The following ZNF469 variants were observed in gnomAD, a reference collection of about 807,000 sequenced individuals.
ZNF469 encodes zinc finger protein 469.
A neutral mutation model predicts 1.0 loss-of-function variants in ZNF469; 1 was observed. The ratio of observed to expected loss-of-function variants is 1.00; its 90% CI spans 0.35 to 4.73. The LOEUF is 4.73. Among genes scored for constraint, ZNF469 ranks in the 30% most tolerant of loss-of-function variants. The probability of loss-of-function intolerance (pLI) is 0.16; values close to 1 mark genes in which losing one functional copy is unlikely to be tolerated. For synonymous variants in ZNF469, 2,703 were observed against 2,363.4 expected (o/e 1.14, Z -4.17); for missense variants, 6,100 against 5,356.3 (o/e 1.14, Z -4.33).
chr16:88,130,566 C>T, the ZNF469 span, among the ~76,000 whole-genome samples: 1 of 151,852 alleles, frequency 6.6e-6, no homozygotes, highest in African/African-American at 2.4e-5. Context: ...ATTAGCTGGG[C>T]GTGGTGGCAG....
At chr16:88,203,377 C>T in the ZNF469 span, among the ~76,000 whole-genome samples, 16 of 152,152 alleles carry the variant, frequency 1.1e-4, no homozygotes, top group African/African-American at 3.6e-4. Context: ...CACAGGTGCC[C>T]GGGGTTGTCA....
the ZNF469 span, among the ~76,000 whole-genome samples, chr16:88,273,843 C>T: frequency 1.2e-3 from 177 of 145,318 alleles, no homozygotes; most frequent in African/African-American, 3.1e-3. Flanking sequence ...CTCGCTCTGT[C>T]GCCCAGGCTG....
At chr16:88,135,007 G>A in the ZNF469 span, among the ~76,000 whole-genome samples, 1 of 152,198 alleles carries the variant, frequency 6.6e-6, no homozygotes, top group African/African-American at 2.4e-5. Flanking sequence ...CTCCCTGCAG[G>A]CAGCTCCTGG....
At chr16:88,348,326 CCT>C in the ZNF469 span, among the ~76,000 whole-genome samples, 1 of 152,194 alleles carries the variant, frequency 6.6e-6, no homozygotes, top group Non-Finnish European at 1.5e-5. Flanking sequence ...CCTGTGCGTG[CCT>C]CTCGTTTCCC....
chr16:88,422,281 A>ATGG (rs1567506436), intron 1 of ZNF469, among the ~76,000 whole-genome samples: 2 of 121,790 alleles, frequency 1.6e-5, no homozygotes, highest in African/African-American at 6.7e-5. Context: ...ATAGGTGGGT[A>ATGG]ATGGATGGAT....
the ZNF469 span, among the ~76,000 whole-genome samples, chr16:88,150,181 A>G: frequency 1.3e-4 from 20 of 152,174 alleles, no homozygotes; most frequent in African/African-American, 4.8e-4. Context: ...GTAGTGGTAA[A>G]TGTCTGTAAT....
the ZNF469 span, among the ~76,000 whole-genome samples, chr16:88,357,597 G>A: frequency 6.6e-6 from 1 of 152,168 alleles, no homozygotes; most frequent in Non-Finnish European, 1.5e-5. Context: ...GGCCTGGGCA[G>A]GGAGGCGATG....
At chr16:88,226,445 A>G in the ZNF469 span, among the ~76,000 whole-genome samples, 10 of 152,020 alleles carry the variant, frequency 6.6e-5, no homozygotes, top group Non-Finnish European at 1.3e-4. Context: ...CCACAGCTGG[A>G]GTGGGAAGGG....
chr16:88,321,779 G>A, the ZNF469 span, among the ~76,000 whole-genome samples: 2 of 152,058 alleles, frequency 1.3e-5, no homozygotes, highest in African/African-American at 4.8e-5. Flanking sequence ...TGCAGCCCTC[G>A]GATTCTGTTG....
chr16:88,220,451 C>T, the ZNF469 span, among the ~76,000 whole-genome samples: 16 of 152,244 alleles, frequency 1.1e-4, no homozygotes, highest in South Asian at 1.0e-3. Flanking sequence ...CTTTCTTGCC[C>T]GGATGAAGTG....
At chr16:88,179,700 C>G in the ZNF469 span, among the ~76,000 whole-genome samples, 39 of 152,196 alleles carry the variant, frequency 2.6e-4, no homozygotes, top group Admixed American at 7.2e-4. Context: ...CCTCTGGTCT[C>G]TGGAACTGCA....
At chr16:88,185,315 A>T in the ZNF469 span, among the ~76,000 whole-genome samples, 13 of 152,276 alleles carry the variant, frequency 8.5e-5, no homozygotes, top group African/African-American at 2.9e-4. Flanking sequence ...TCTCACAGTC[A>T]CACATTCACA....
At chr16:88,276,879 G>T in the ZNF469 span, among the ~76,000 whole-genome samples, 1 of 152,112 alleles carries the variant, frequency 6.6e-6, no homozygotes, top group East Asian at 1.9e-4. Flanking sequence ...CTGACGCTCG[G>T]TCAGTACCAT....
the ZNF469 span, among the ~76,000 whole-genome samples, chr16:88,126,387 C>G: frequency 3.4e-4 from 52 of 151,538 alleles, no homozygotes; most frequent in African/African-American, 1.2e-3. Context: ...GGGGAAACGT[C>G]TCGTATTTCA....
the ZNF469 span, among the ~76,000 whole-genome samples, chr16:88,316,326 G>A: frequency 8.5e-5 from 13 of 152,172 alleles, no homozygotes; most frequent in Non-Finnish European, 1.8e-4. Context: ...TTTAGGATGG[G>A]ATGGTGCACC....
the ZNF469 span, among the ~76,000 whole-genome samples, chr16:88,351,962 C>A: frequency 6.6e-6 from 1 of 152,238 alleles, no homozygotes; most frequent in East Asian, 1.9e-4. Context: ...GGAGGCCCCT[C>A]CGCCCCGAGG....
the ZNF469 span, among the ~76,000 whole-genome samples, chr16:88,161,129 C>G: frequency 2.0e-5 from 3 of 151,204 alleles, no homozygotes; most frequent in African/African-American, 7.3e-5. Flanking sequence ...CCATTGCACT[C>G]CAGCCTGGGT....
At chr16:88,347,645 C>G in the ZNF469 span, among the ~76,000 whole-genome samples, 1 of 152,212 alleles carries the variant, frequency 6.6e-6, no homozygotes, top group Non-Finnish European at 1.5e-5. Flanking sequence ...ACATCCACCC[C>G]GATGTGAAGA....
the ZNF469 span, among the ~76,000 whole-genome samples, chr16:88,209,835 T>C: frequency 6.6e-6 from 1 of 152,248 alleles, no homozygotes; most frequent in South Asian, 2.1e-4. Flanking sequence ...TTGTTTCTAA[T>C]ATTTTGCAAT....
Sources: gnomAD v4.1 joint callset for allele counts (sites outside exome capture counted in the v4.1 genomes callset) on GRCh38, gnomAD v4.1.1 for gene constraint, MANE v1.5 for transcripts, NCBI Gene and HGNC (gene_info 2026-07-23, HGNC 2026-07-21) for gene names.